MYO16: variants seen among roughly 807,000 people sequenced by gnomAD.
MYO16 encodes unconventional myosin-XVI.
In MYO16, 94 loss-of-function variants were observed where a neutral mutation model predicts 205.3. The ratio of observed to expected loss-of-function variants is 0.46; its 90% CI spans 0.39 to 0.54. The LOEUF is 0.54. MYO16 is among the 20% of genes least tolerant of loss of function. The pLI is 0.00. For missense variants in MYO16, 2,315 were observed against 2,387.5 expected (o/e 0.97, Z 0.63); for synonymous variants, 988 against 954.0 (o/e 1.04, Z -0.66).
chr13:108,559,470 C>CTTTTTTTTTTTTTTTTTTTTTTTTTT, the MYO16 span, among the ~76,000 whole-genome samples: 3 of 87,414 alleles, frequency 3.4e-5, no homozygotes, highest in African/African-American at 4.2e-5. Context: ...TTTTTCTTTT[C>CTTTTTTTTTTTTTTTTTTTTTTTTTT]TTTTTTTTTT....
chr13:108,878,228 C>T (rs911766447), intron 12 of MYO16, among the ~76,000 whole-genome samples: 1 of 152,096 alleles, frequency 6.6e-6, no homozygotes, highest in African/African-American at 2.4e-5. Context: ...TTCCTGTTTT[C>T]GTGCCAAAAA....
At chr13:108,755,421 C>T (rs952235447) in intron 4 of MYO16, among the ~76,000 whole-genome samples, 11 of 151,966 alleles carry the variant, frequency 7.2e-5, no homozygotes, top group African/African-American at 2.4e-4. Flanking sequence ...ATTCTCAATA[C>T]AATATTAGAT....
the MYO16 span, among the ~76,000 whole-genome samples, chr13:108,564,850 G>C: frequency 6.6e-6 from 1 of 152,170 alleles, no homozygotes; most frequent in Non-Finnish European, 1.5e-5. Context: ...TGGGGGTCAA[G>C]TTTCATTCTT....
intron 1 of MYO16, among the ~76,000 whole-genome samples, chr13:108,611,972 CTTTTT>C (rs201871787): frequency 9.2e-4 from 83 of 89,754 alleles, no homozygotes; most frequent in South Asian, 9.1e-3. Context: ...TTTTTTTTTT[CTTTTT>C]TTTTTTTTTT....
chr13:108,878,674 A>G (rs997131184), intron 12 of MYO16, among the ~76,000 whole-genome samples: 7 of 152,244 alleles, frequency 4.6e-5, no homozygotes, highest in Admixed American at 2.0e-4. Context: ...CTAAAAGAGT[A>G]CACTGTAACA....
chr13:108,874,690 CATCATCATTATTATTATTATT>C (rs1441231722), intron 12 of MYO16, among the ~76,000 whole-genome samples: 1 of 96,904 alleles, frequency 1.0e-5, no homozygotes, highest in African/African-American at 3.3e-5. Flanking sequence ...ACAGTTTCAT[CATCATCATTATTATTATTATT>C]ATTATTATTA....
At chr13:109,111,105 T>C (rs796361001) in intron 28 of MYO16, among the ~76,000 whole-genome samples, 1 of 152,188 alleles carries the variant, frequency 6.6e-6, no homozygotes, top group African/African-American at 2.4e-5. Flanking sequence ...CTGAGTGTTA[T>C]GAGAAAATGA....
intron 2 of MYO16, among the ~76,000 whole-genome samples, chr13:108,670,911 C>T (rs114729074): frequency 0.014 from 2,148 of 152,248 alleles, 43 homozygotes; most frequent in African/African-American, 0.045. Context: ...TAACCACAGA[C>T]GCCTGGCAAG....
At chr13:109,117,397 T>C (rs1875751327) in intron 28 of MYO16, among the ~76,000 whole-genome samples, 3 of 146,976 alleles carry the variant, frequency 2.0e-5, no homozygotes, top group African/African-American at 7.5e-5. Context: ...TGTGTATATA[T>C]GTATATATAT....
chr13:108,809,198 G>A (rs534521011), intron 7 of MYO16, among the ~76,000 whole-genome samples: 5 of 152,234 alleles, frequency 3.3e-5, no homozygotes, highest in South Asian at 2.1e-4. Flanking sequence ...TTCGTGATAA[G>A]TCAGTTAAGA....
intron 2 of MYO16, among the ~76,000 whole-genome samples, chr13:108,693,214 C>T (rs1882966920): frequency 6.6e-6 from 1 of 152,144 alleles, no homozygotes; most frequent in Non-Finnish European, 1.5e-5. Context: ...AATTGTGGCT[C>T]TTTATGGTGG....
chr13:108,914,436 T>C (rs1381174355), intron 16 of MYO16, among the ~76,000 whole-genome samples: 2 of 152,146 alleles, frequency 1.3e-5, no homozygotes, highest in African/African-American at 4.8e-5. Flanking sequence ...TAGTGGAATT[T>C]GGATGAAGTA....
intron 9 of MYO16, among the ~76,000 whole-genome samples, chr13:108,827,846 G>A (rs959517843): frequency 3.9e-5 from 6 of 152,098 alleles, no homozygotes; most frequent in Non-Finnish European, 5.9e-5. Context: ...GAGCATGGAC[G>A]TGCTCACCCA....
chr13:108,945,066 T>C lies in MYO16; in HGVS notation c.1926-12622T>C, dbSNP rs184353100. Among the ~76,000 whole-genome samples, 321 of 152,260 alleles carry C rather than the reference T, an allele frequency of 2.1e-3. 2 individuals carry two copies. The highest frequency in any genetic ancestry group is 6.8e-3 in the African/African-American group (283 of 41,552). ...AGAATCCATCTTTTGTAAAACAGGTTTTAAATATTTTGTATTGATTCAGTA... is the reference window on the plus strand; with the variant it reads ...AGAATCCATCTTTTGTAAAACAGGTCTTAAATATTTTGTATTGATTCAGTA... On this transcript the variant is annotated intron_variant, in intron 16 of 34. Transcript: ENST00000457511.
intron 1 of MYO16, among the ~76,000 whole-genome samples, chr13:108,618,372 C>T (rs981719746): frequency 7.9e-5 from 12 of 152,294 alleles, no homozygotes; most frequent in Admixed American, 5.9e-4. Context: ...GCAGGAGACA[C>T]CTCCTGCAAG....
At chr13:109,017,040 A>G (rs1167511985) in intron 22 of MYO16, among the ~76,000 whole-genome samples, 1 of 152,096 alleles carries the variant, frequency 6.6e-6, no homozygotes, top group African/African-American at 2.4e-5. Flanking sequence ...CCATTAGTTG[A>G]TGCAGTTTCT....
the MYO16 span, among the ~76,000 whole-genome samples, chr13:108,495,802 G>A: frequency 6.6e-6 from 1 of 151,474 alleles, no homozygotes; most frequent in African/African-American, 2.4e-5. Flanking sequence ...CAACCGCGCC[G>A]GCCCCGGGCA....
chr13:108,942,322 G>T (rs1882764223), intron 16 of MYO16, among the ~76,000 whole-genome samples: 1 of 152,088 alleles, frequency 6.6e-6, no homozygotes, highest in South Asian at 2.1e-4. Flanking sequence ...CTTAGACAAG[G>T]GATTGTGTTA....
chr13:108,965,248 A>G (rs1004664731), intron 20 of MYO16, among the ~76,000 whole-genome samples: 3 of 152,182 alleles, frequency 2.0e-5, no homozygotes, highest in Non-Finnish European at 4.4e-5. Flanking sequence ...AGAACAGGTA[A>G]GGCACTGGAA....
Sources: gnomAD v4.1 joint callset for allele counts (sites outside exome capture counted in the v4.1 genomes callset) on GRCh38, gnomAD v4.1.1 for gene constraint, MANE v1.5 for transcripts, NCBI Gene and HGNC (gene_info 2026-07-23, HGNC 2026-07-21) for gene names.